CLSTN2: variants seen among roughly 807,000 people sequenced by gnomAD.
The protein encoded by CLSTN2 is calsyntenin 2.
CLSTN2 carries 48 observed loss-of-function variants against 101.2 expected under a neutral mutation model. The observed-to-expected ratio is 0.47, with a 90% CI of 0.38 to 0.60. The LOEUF is 0.60. Ranked by LOEUF, CLSTN2 falls within the 20% of genes least tolerant of loss-of-function variation. The probability of loss-of-function intolerance (pLI) is 0.00; values close to 1 mark genes in which losing one functional copy is unlikely to be tolerated. For missense variants in CLSTN2, 1,160 were observed against 1,238.2 expected, an observed-to-expected ratio of 0.94 and a Z score of 0.95; for synonymous variants, 481 against 463.6, an observed-to-expected ratio of 1.04 and a Z score of -0.48.
At chr3:140,188,050 T>A (rs957014531) in intron 2 of CLSTN2, among the ~76,000 whole-genome samples, 2 of 152,182 alleles carry the variant, frequency 1.3e-5, no homozygotes, top group African/African-American at 4.8e-5. Context: ...CAGTGGAGTG[T>A]ACTTGTCTAT....
intron 1 of CLSTN2, among the ~76,000 whole-genome samples, chr3:140,063,996 T>G (rs993854180): frequency 1.3e-5 from 2 of 152,150 alleles, no homozygotes; most frequent in Non-Finnish European, 2.9e-5. Flanking sequence ...GCCAGGGCCT[T>G]TGCTTCTGCT....
At chr3:140,006,619 C>T (rs546560718) in intron 1 of CLSTN2, among the ~76,000 whole-genome samples, 73 of 152,334 alleles carry the variant, frequency 4.8e-4, no homozygotes, top group African/African-American at 1.7e-3. Flanking sequence ...TCAAGCATGG[C>T]TGTCTTTCCT....
Position 140,022,489 on chromosome 3 carries a change from G to A in CLSTN2, c.109+87006G>A, listed in dbSNP as rs958630082. 2.0e-4 allele frequency among the ~76,000 whole-genome samples: 31 copies of A among 152,220 alleles called. 1 individual carries two copies. Among genetic ancestry groups the A allele is most frequent in the Admixed American group, 1.4e-3 (21 of 15,286 alleles). ...TGAACCAAGGAATAGGGAGAGCTGC[G>A]TGTGAGAGGCCCAGACAGCACAAAT... On this transcript the variant is annotated intron_variant, in intron 1 of 16. Transcript: ENST00000458420.
chr3:140,230,717 GT>G lies in CLSTN2; in HGVS notation c.232+54647del, dbSNP rs537406206. On this transcript the variant is annotated intron_variant, in intron 2 of 16. Transcript: ENST00000458420. ...AAACTGTAAGAAATAAATTGATGCT[GT>G]TTATAAGCCACCCAGTTCATGGTAT... Among the ~76,000 whole-genome samples, 19 of 152,300 alleles carry G rather than the reference GT, an allele frequency of 1.2e-4. No homozygotes were observed. The South Asian group carries it at 3.7e-3, about 30-fold the overall frequency.
intron 2 of CLSTN2, among the ~76,000 whole-genome samples, chr3:140,241,790 GATATAT>G (rs36099204): frequency 1.4e-5 from 2 of 138,524 alleles, no homozygotes. Flanking sequence ...TCATATGCGA[GATATAT>G]ATATATATAT....
chr3:140,420,044 C>T (rs1435455795), intron 4 of CLSTN2, among the ~76,000 whole-genome samples: 3 of 149,944 alleles, frequency 2.0e-5, no homozygotes, highest in Admixed American at 2.0e-4. Context: ...AGATGTGTAC[C>T]ATCACACCTG....
At chr3:139,990,638 G>A (rs566152645) in intron 1 of CLSTN2, among the ~76,000 whole-genome samples, 5 of 152,296 alleles carry the variant, frequency 3.3e-5, no homozygotes, top group South Asian at 2.1e-4. Context: ...GGCTCACTAC[G>A]GGGAGGTCCA....
chr3:140,017,434 G>C (rs1427903099), intron 1 of CLSTN2, among the ~76,000 whole-genome samples: 1 of 152,242 alleles, frequency 6.6e-6, no homozygotes, highest in East Asian at 1.9e-4. Flanking sequence ...GCTGGACCTG[G>C]ATATAGGGAT....
intron 2 of CLSTN2, among the ~76,000 whole-genome samples, chr3:140,403,272 C>A (rs567911109): frequency 6.6e-6 from 1 of 152,168 alleles, no homozygotes; most frequent in Non-Finnish European, 1.5e-5. Context: ...TAGCTGGAGA[C>A]AGAAAATGGA....
chr3:140,520,146 T>G (rs867743810), intron 8 of CLSTN2, among the ~76,000 whole-genome samples: 4 of 152,264 alleles, frequency 2.6e-5, no homozygotes, highest in Middle Eastern at 3.4e-3. Context: ...ATCTTCTGGC[T>G]TGTAGGGTTT....
At chr3:139,951,991 A>G (rs1194528921) in intron 1 of CLSTN2, among the ~76,000 whole-genome samples, 1 of 152,108 alleles carries the variant, frequency 6.6e-6, no homozygotes, top group African/African-American at 2.4e-5. Flanking sequence ...CCCTCCTCAC[A>G]TAAGCTTGAA....
intron 9 of CLSTN2, among the ~76,000 whole-genome samples, chr3:140,540,482 C>A (rs1935453756): frequency 1.3e-5 from 2 of 152,192 alleles, no homozygotes; most frequent in African/African-American, 4.8e-5. Flanking sequence ...CAGGTATCTA[C>A]ATCACTGAAA....
intron 1 of CLSTN2, among the ~76,000 whole-genome samples, chr3:140,001,447 T>C (rs1442929211): frequency 6.6e-6 from 1 of 152,112 alleles, no homozygotes; most frequent in African/African-American, 2.4e-5. Context: ...TCTCCATTTT[T>C]TTTTTATCTT....
intron 2 of CLSTN2, among the ~76,000 whole-genome samples, chr3:140,256,995 A>C (rs1171069546): frequency 6.6e-6 from 1 of 152,198 alleles, no homozygotes; most frequent in Non-Finnish European, 1.5e-5. Flanking sequence ...TGTGTATAGA[A>C]AGGCATACAT....
In CLSTN2 at chr3:140,224,135, C is replaced by A. The variant is rs572894471; in HGVS notation, c.232+48062C>A. On this transcript the variant is annotated intron_variant, in intron 2 of 16. Transcript: ENST00000458420. Reference sequence around the variant, plus strand: ...TTATTTATCCATTACTTCCTAGAAGCAATAAAGTGGAACAGTTACCAGCAT... The same window carrying A: ...TTATTTATCCATTACTTCCTAGAAGAAATAAAGTGGAACAGTTACCAGCAT... Among the ~76,000 whole-genome samples, 271 of 152,266 alleles carry A rather than the reference C, an allele frequency of 1.8e-3. 2 individuals carry two copies. The highest frequency in any genetic ancestry group is 6.3e-3 in the African/African-American group (263 of 41,556).
At chr3:140,295,646 T>C (rs1053258825) in intron 2 of CLSTN2, among the ~76,000 whole-genome samples, 5 of 152,148 alleles carry the variant, frequency 3.3e-5, no homozygotes, top group African/African-American at 9.7e-5. Context: ...AATATGCAAA[T>C]ATGTAAAACA....
intron 10 of CLSTN2, among the ~76,000 whole-genome samples, chr3:140,552,092 G>A (rs1470940061): frequency 1.3e-5 from 2 of 152,122 alleles, no homozygotes; most frequent in Admixed American, 1.3e-4. Context: ...CTTCTCTCAA[G>A]GAACAGGCCA....
Position 140,290,830 on chromosome 3 carries a change from C to A in CLSTN2, c.233-112799C>A, listed in dbSNP as rs543183459. Among the ~76,000 whole-genome samples, 6 of 152,306 alleles carry A rather than the reference C, an allele frequency of 3.9e-5. No homozygotes were observed. The South Asian group carries it at 1.2e-3, about 32-fold the overall frequency. ...TGTGAAAATAGAAGCTACCAGACAACAGCTCCTTTACCATCCTTCCTTTAG... is the reference window on the plus strand; with the variant it reads ...TGTGAAAATAGAAGCTACCAGACAAAAGCTCCTTTACCATCCTTCCTTTAG... On this transcript the variant is annotated intron_variant, in intron 2 of 16. Transcript: ENST00000458420.
At chr3:140,000,903 G>A (rs1406278110) in intron 1 of CLSTN2, among the ~76,000 whole-genome samples, 1 of 152,138 alleles carries the variant, frequency 6.6e-6, no homozygotes, top group Non-Finnish European at 1.5e-5. Flanking sequence ...AGTATTAGGG[G>A]CCTTTATTTT....
Sources: allele counts gnomAD v4.1 joint callset (sites outside exome capture counted in the v4.1 genomes callset), GRCh38; gene constraint gnomAD v4.1.1; transcripts MANE v1.5; gene names NCBI Gene and HGNC (gene_info 2026-07-23, HGNC 2026-07-21).